Variants in RGS20 observed in about 807,000 individuals in gnomAD.
RGS20 encodes gz-selective GTPase-activating protein.
Under a neutral mutation model 33.6 loss-of-function variants are expected in RGS20, and 30 were observed. That is an observed-to-expected ratio of 0.89 (90% CI 0.67 to 1.21). The LOEUF is 1.21. Ranked by LOEUF, RGS20 falls within the 50% of genes most tolerant of loss-of-function variation. RGS20 has a pLI of 0.00. For missense variants in RGS20, 472 were observed against 502.4 expected, an observed-to-expected ratio of 0.94 and a Z score of 0.58; for synonymous variants, 208 against 197.9, an observed-to-expected ratio of 1.05 and a Z score of -0.43.
In RGS20 at chr8:53,948,553, T is replaced by A. The variant is rs375726813; in HGVS notation, c.743+1805T>A. Among the ~76,000 whole-genome samples, 21 of 58,752 alleles carry A rather than the reference T, an allele frequency of 3.6e-4. 2 individuals carry two copies. The highest frequency in any genetic ancestry group is 2.0e-3 in the East Asian group (2 of 980). The allele number at this position is 58,752 out of a possible 152,430, so 38.5% of individuals were successfully genotyped here. On this transcript the variant is annotated intron_variant, in intron 4 of 5. Coordinates refer to ENST00000297313, the MANE Select transcript of RGS20 (RefSeq NM_170587.4). ...AGTATATATTTACATATGCTATATA[T>A]GATACAGTACATATTTACATATGCT...
chr8:53,896,256 T>G (rs920043327), intron 2 of RGS20, among the ~76,000 whole-genome samples: 9 of 152,160 alleles, frequency 5.9e-5, no homozygotes, highest in African/African-American at 1.7e-4. Context: ...CTCCAACCTG[T>G]GTGACAGAGT....
chr8:53,943,083 A>G (rs1008888014), intron 3 of RGS20, among the ~76,000 whole-genome samples: 5 of 152,238 alleles, frequency 3.3e-5, no homozygotes, highest in Non-Finnish European at 7.3e-5. Flanking sequence ...GTTTAAAAAT[A>G]TGTTTATGAA....
At position 53,863,796 on chromosome 8, in the gene RGS20, G is replaced by A. The variant is rs150614465; in HGVS notation, c.165+11732G>A. On this transcript the variant is annotated intron_variant, in intron 1 of 5. Transcript: ENST00000297313. ...GGCTGGAGTGCAATGGCGCCAACTC[G>A]GCTCACTGCAACCTCTGCTTCCCCG... 5.8e-3 allele frequency among the ~76,000 whole-genome samples: 849 copies of A among 145,238 alleles called. 12 individuals carry two copies. The highest frequency in any genetic ancestry group is 0.021 in the African/African-American group (816 of 38,868).
At chr8:53,955,615 A>C (rs1025508772) in intron 5 of RGS20, among the ~76,000 whole-genome samples, 3 of 152,116 alleles carry the variant, frequency 2.0e-5, no homozygotes, top group Admixed American at 6.5e-5. Flanking sequence ...GGATCACCTG[A>C]GGTCAGGAGT....
At chr8:53,902,379 G>A (rs747888205) in intron 2 of RGS20, among the ~76,000 whole-genome samples, 17 of 152,174 alleles carry the variant, frequency 1.1e-4, no homozygotes, top group Admixed American at 2.6e-4. Flanking sequence ...TTGGTGCAAC[G>A]TTCTCAGGGA....
intron 1 of RGS20, among the ~76,000 whole-genome samples, chr8:53,871,778 C>A (rs1271252346): frequency 1.3e-5 from 2 of 152,150 alleles, no homozygotes; most frequent in Non-Finnish European, 2.9e-5. Flanking sequence ...ATACCCTTTT[C>A]CACCTAGATA....
chr8:53,867,301 C>T (rs1341069649), intron 1 of RGS20, among the ~76,000 whole-genome samples: 7 of 152,120 alleles, frequency 4.6e-5, no homozygotes, highest in South Asian at 2.1e-4. Context: ...CCATCCCCTA[C>T]GTTTCTCATG....
intron 2 of RGS20, among the ~76,000 whole-genome samples, chr8:53,935,648 C>G (rs780052481): frequency 1.3e-5 from 2 of 152,112 alleles, no homozygotes; most frequent in African/African-American, 2.4e-5. Context: ...CAGGACCAGA[C>G]AGATTCACAG....
At chr8:53,896,510 A>G (rs1459285313) in intron 2 of RGS20, among the ~76,000 whole-genome samples, 2 of 152,226 alleles carry the variant, frequency 1.3e-5, no homozygotes, top group African/African-American at 2.4e-5. Flanking sequence ...TCTGGACTAT[A>G]GCATAAATAT....
chr8:53,935,792 CA>C (rs1293835332), intron 2 of RGS20, among the ~76,000 whole-genome samples: 1 of 151,968 alleles, frequency 6.6e-6, no homozygotes, highest in African/African-American at 2.4e-5. Context: ...AGAGACACAA[CA>C]AAAAAAGAAA....
intron 1 of RGS20, among the ~76,000 whole-genome samples, chr8:53,869,076 G>A (rs1347415439): frequency 2.6e-5 from 4 of 152,110 alleles, no homozygotes; most frequent in Non-Finnish European, 5.9e-5. Flanking sequence ...TTATAGAGCT[G>A]GGGATCCCAG....
In RGS20 at chr8:53,958,912, G is replaced by C. The variant is rs1024303865; in HGVS notation, c.*454G>C. On this transcript the variant is annotated 3_prime_UTR_variant, in exon 6 of 6. Coordinates refer to ENST00000297313, the MANE Select transcript of RGS20 (RefSeq NM_170587.4). ...CTCGGTTTGAATACGTCACTTACCA[G>C]TGCCATTGCAGGACCCAAATTCACA... The C allele has an allele frequency of 6.6e-6, 1 of 152,334 alleles. No individual in the cohort carries two copies. The highest frequency in any genetic ancestry group is 1.5e-5 in the Non-Finnish European group (1 of 68,150). 9.4% of individuals were successfully genotyped at this position (152,334 alleles called of 1,614,324 possible).
chr8:53,926,823 G>C (rs6990456), intron 2 of RGS20, among the ~76,000 whole-genome samples: 46,434 of 151,894 alleles, frequency 0.31, 7,480 homozygotes, highest in African/African-American at 0.41. Context: ...TGAGGCAGGA[G>C]AATCGCTTGA....
intron 2 of RGS20, among the ~76,000 whole-genome samples, chr8:53,930,420 A>G (rs1813920924): frequency 6.6e-6 from 1 of 152,230 alleles, no homozygotes; most frequent in Admixed American, 6.5e-5. Flanking sequence ...AAGTGAATAG[A>G]TATTTCATGG....
chr8:53,876,467 C>A (rs1197443571), intron 1 of RGS20: 2 of 152,230 alleles, frequency 1.3e-5, no homozygotes, highest in Admixed American at 1.3e-4. Context: ...CTGATGATTC[C>A]ATTTTGTGGC....
intron 1 of RGS20, among the ~76,000 whole-genome samples, chr8:53,864,063 A>G (rs1337948026): frequency 6.6e-6 from 1 of 152,168 alleles, no homozygotes; most frequent in Non-Finnish European, 1.5e-5. Flanking sequence ...TTCAATTTGA[A>G]TGGTTGCTTT....
chr8:53,895,033 G>A (rs1812816138), intron 2 of RGS20, among the ~76,000 whole-genome samples: 1 of 152,176 alleles, frequency 6.6e-6, no homozygotes, highest in African/African-American at 2.4e-5. Flanking sequence ...CGGGGAGAGG[G>A]AAGGAGGTGG....
intron 2 of RGS20, among the ~76,000 whole-genome samples, chr8:53,922,405 A>T (rs1813673474): frequency 6.6e-6 from 1 of 152,162 alleles, no homozygotes; most frequent in Non-Finnish European, 1.5e-5. Context: ...AATCTAAAGT[A>T]TGTCTCTTGT....
chr8:53,881,013 CG>C (rs1384821360), intron 2 of RGS20: 4 of 1,594,748 alleles, frequency 2.5e-6, no homozygotes, highest in Non-Finnish European at 3.4e-6. Context: ...ACCCGCGGGA[CG>C]CATGCGCACG....
Sources: gnomAD v4.1 joint callset for allele counts (sites outside exome capture counted in the v4.1 genomes callset) on GRCh38, gnomAD v4.1.1 for gene constraint, MANE v1.5 for transcripts, NCBI Gene and HGNC (gene_info 2026-07-23, HGNC 2026-07-21) for gene names.